Variants in NELL1 observed in about 807,000 individuals in gnomAD.
The protein encoded by NELL1 is protein kinase C-binding protein NELL1.
A neutral mutation model predicts 107.4 loss-of-function variants in NELL1; 76 were observed. That is an observed-to-expected ratio of 0.71 (90% confidence interval 0.59 to 0.86). The LOEUF (loss-of-function observed/expected upper bound fraction) is 0.86, where lower values mean the gene tolerates loss of function less well. Among genes scored for constraint, NELL1 ranks in the 40% least tolerant of loss-of-function variants. The probability of loss-of-function intolerance (pLI) is 0.00; values close to 1 mark genes in which losing one functional copy is unlikely to be tolerated. For missense variants in NELL1, 1,024 were observed against 1,005.5 expected (o/e 1.02, Z -0.25); for synonymous variants, 353 against 341.2 (o/e 1.03, Z -0.38).
chr11:21,146,765 G>A (rs910821085), intron 13 of NELL1, among the ~76,000 whole-genome samples: 11 of 152,086 alleles, frequency 7.2e-5, no homozygotes, highest in South Asian at 4.2e-4. Flanking sequence ...CACTTTGGCC[G>A]GGTGCGGTGA....
chr11:21,399,452 C>A (rs1852048353), intron 15 of NELL1, among the ~76,000 whole-genome samples: 1 of 151,688 alleles, frequency 6.6e-6, no homozygotes, highest in African/African-American at 2.4e-5. Flanking sequence ...TATCATTAAG[C>A]AACTTTCATA....
At chr11:20,831,260 A>G (rs1858002605) in intron 3 of NELL1, among the ~76,000 whole-genome samples, 1 of 152,196 alleles carries the variant, frequency 6.6e-6, no homozygotes, top group South Asian at 2.1e-4. Context: ...AACCAGCAGC[A>G]AGACCATCAC....
chr11:21,130,320 A>G (rs1855586453), intron 13 of NELL1, among the ~76,000 whole-genome samples: 1 of 152,070 alleles, frequency 6.6e-6, no homozygotes, highest in Admixed American at 6.5e-5. Context: ...TCTTCCTAAG[A>G]GATGAGGACG....
At chr11:21,256,701 G>T (rs191216670) in intron 14 of NELL1, among the ~76,000 whole-genome samples, 2 of 152,118 alleles carry the variant, frequency 1.3e-5, no homozygotes, top group African/African-American at 4.8e-5. Flanking sequence ...CAAAGTTCTT[G>T]CTCTGGGTGC....
chr11:21,064,083 G>A (rs992959737), intron 12 of NELL1, among the ~76,000 whole-genome samples: 1 of 152,136 alleles, frequency 6.6e-6, no homozygotes, highest in African/African-American at 2.4e-5. Context: ...AGTGCAAAGG[G>A]CTGAAGGCAG....
chr11:21,190,893 AAT>A (rs1185337524), intron 13 of NELL1, among the ~76,000 whole-genome samples: 1 of 151,740 alleles, frequency 6.6e-6, no homozygotes, highest in Non-Finnish European at 1.5e-5. Context: ...TCAAGTAGAC[AAT>A]GAGAGAGGTC....
chr11:21,149,483 T>A (rs2133784183), intron 13 of NELL1, among the ~76,000 whole-genome samples: 1 of 152,346 alleles, frequency 6.6e-6, no homozygotes, highest in Middle Eastern at 3.4e-3. Flanking sequence ...CTCCCATTTA[T>A]GAAACCATCA....
At chr11:20,859,394 C>T (rs1462777460) in intron 4 of NELL1, among the ~76,000 whole-genome samples, 1 of 152,200 alleles carries the variant, frequency 6.6e-6, no homozygotes, top group Non-Finnish European at 1.5e-5. Context: ...ATGACTTCAA[C>T]ACTACAGAGA....
At position 21,170,184 on chromosome 11, in the gene NELL1, G is replaced by T. The variant is rs535276610; in HGVS notation, c.1426+56470G>T. 3 of 587,770 alleles carry T rather than the reference G, an allele frequency of 5.1e-6. No individual in the cohort carries two copies. The South Asian group carries it at 6.5e-5, about 13-fold the overall frequency. 36.4% of individuals were successfully genotyped at this position (587,770 alleles called of 1,614,324 possible). Reference sequence around the variant, plus strand: ...GGATGTGATCTAAGCAGGTGAATTAGAATAATCCCAAAACTCATCTGTCGA... The same window carrying T: ...GGATGTGATCTAAGCAGGTGAATTATAATAATCCCAAAACTCATCTGTCGA... On this transcript the variant is annotated intron_variant, in intron 13 of 19. Transcript: ENST00000357134.
chr11:20,983,125 C>G (rs1466510028), intron 12 of NELL1, among the ~76,000 whole-genome samples: 1 of 152,114 alleles, frequency 6.6e-6, no homozygotes, highest in Non-Finnish European at 1.5e-5. Context: ...CTCTGGGGAC[C>G]TGCAAGTATT....
At chr11:21,505,778 C>T (rs1257483000) in intron 15 of NELL1, among the ~76,000 whole-genome samples, 4 of 152,210 alleles carry the variant, frequency 2.6e-5, no homozygotes, top group Non-Finnish European at 5.9e-5. Context: ...TCTGCTATAA[C>T]ACTTGGAATA....
At chr11:21,113,209 T>G (rs1301416662) in intron 12 of NELL1, among the ~76,000 whole-genome samples, 1 of 152,000 alleles carries the variant, frequency 6.6e-6, no homozygotes, top group Non-Finnish European at 1.5e-5. Flanking sequence ...TTGATCCCTC[T>G]GATAAAAGCT....
chr11:21,451,114 C>T (rs932706610), intron 15 of NELL1, among the ~76,000 whole-genome samples: 1 of 140,740 alleles, frequency 7.1e-6, no homozygotes, highest in African/African-American at 2.6e-5. Context: ...GTGAACCCGG[C>T]AGGCTGAGCT....
chr11:21,114,474 C>A (rs1855184727), intron 13 of NELL1, among the ~76,000 whole-genome samples: 1 of 151,978 alleles, frequency 6.6e-6, no homozygotes, highest in Non-Finnish European at 1.5e-5. Flanking sequence ...CTGATGTCTG[C>A]ATCTTTCTCT....
chr11:21,076,693 G>A (rs1489347617), intron 12 of NELL1, among the ~76,000 whole-genome samples: 2 of 152,166 alleles, frequency 1.3e-5, no homozygotes, highest in Non-Finnish European at 2.9e-5. Flanking sequence ...CTAATTGGAG[G>A]TGTTTGGGTA....
At chr11:21,432,156 C>CT (rs531746303) in intron 15 of NELL1, among the ~76,000 whole-genome samples, 10 of 150,896 alleles carry the variant, frequency 6.6e-5, no homozygotes, top group East Asian at 1.9e-4. Flanking sequence ...TCCAGGATTC[C>CT]TTTTTTTTTC....
At chr11:20,956,266 T>C (rs1280214089) in intron 11 of NELL1, among the ~76,000 whole-genome samples, 3 of 152,022 alleles carry the variant, frequency 2.0e-5, no homozygotes, top group Non-Finnish European at 4.4e-5. Flanking sequence ...ATATAAAAGA[T>C]TATTCTATTT....
At chr11:20,986,376 C>A (rs1851853125) in intron 12 of NELL1, among the ~76,000 whole-genome samples, 1 of 152,276 alleles carries the variant, frequency 6.6e-6, no homozygotes, top group South Asian at 2.1e-4. Context: ...AGAAAGATTG[C>A]ATTTTTCAGC....
At chr11:20,964,963 A>G (rs1210570116) in intron 12 of NELL1, among the ~76,000 whole-genome samples, 3 of 151,910 alleles carry the variant, frequency 2.0e-5, no homozygotes, top group Non-Finnish European at 4.4e-5. Flanking sequence ...TGCCACTGAC[A>G]TTGGTAGGAT....
Sources: allele counts gnomAD v4.1 joint callset (sites outside exome capture counted in the v4.1 genomes callset), GRCh38; gene constraint gnomAD v4.1.1; transcripts MANE v1.5; gene names NCBI Gene and HGNC (gene_info 2026-07-23, HGNC 2026-07-21).